BPIFB3: variants seen among roughly 807,000 people sequenced by gnomAD.
BPIFB3 encodes the protein BPI fold containing family B member 3.
In BPIFB3, 49 loss-of-function variants were observed where a neutral mutation model predicts 53.1. The ratio of observed to expected loss-of-function variants is 0.92; its 90% CI spans 0.73 to 1.17. BPIFB3 has a LOEUF of 1.17. Ranked by LOEUF, BPIFB3 falls within the 50% of genes most tolerant of loss-of-function variation. The pLI is 0.00. For missense variants in BPIFB3, 628 were observed against 592.5 expected (o/e 1.06, Z -0.62); for synonymous variants, 271 against 269.6 (o/e 1.01, Z -0.05).
chr20:33,062,869 C>T (rs2146385196), intron 5 of BPIFB3, among the ~76,000 whole-genome samples: 1 of 152,294 alleles, frequency 6.6e-6, no homozygotes, highest in East Asian at 1.9e-4. Flanking sequence ...CTGTGACTTG[C>T]CTGACCCCAG....
At chr20:33,056,582 T>C (rs764467462) in exon 2 of BPIFB3, 42 of 1,613,876 alleles carry the variant, frequency 2.6e-5, no homozygotes, top group Admixed American at 2.5e-4. Flanking sequence ...TTCTGCAGAA[T>C]GTGCTGGGAT....
intron 6 of BPIFB3, among the ~76,000 whole-genome samples, chr20:33,063,901 G>A (rs540908170): frequency 1.3e-5 from 2 of 152,300 alleles, no homozygotes; most frequent in African/African-American, 4.8e-5. Context: ...TCTATGTTGG[G>A]TGCTGCAGAC....
chr20:33,063,486 G>T, intron 5 of BPIFB3, 129 bp from the exon 7 acceptor site: 1 of 961,702 alleles, frequency 1.0e-6, no homozygotes, highest in Non-Finnish European at 1.6e-6. Context: ...TCTTCTGTCT[G>T]TCTCTGCCTT....
intron 8 of BPIFB3, among the ~76,000 whole-genome samples, chr20:33,065,604 AGG>A (rs1980640366): frequency 8.9e-6 from 1 of 111,860 alleles, no homozygotes; most frequent in African/African-American, 3.9e-5. Context: ...GAAGGAAAGA[AGG>A]AAGGAAGGAA....
chr20:33,054,450 C>T (rs1467741240), upstream of BPIFB3, among the ~76,000 whole-genome samples: 1 of 152,120 alleles, frequency 6.6e-6, no homozygotes, highest in East Asian at 1.9e-4. Context: ...TAGTGACAGA[C>T]GGATTTCTTT....
At chr20:33,056,201 C>A (rs1217878377) in intron 1 of BPIFB3, among the ~76,000 whole-genome samples, 1 of 152,188 alleles carries the variant, frequency 6.6e-6, no homozygotes, top group Admixed American at 6.5e-5. Flanking sequence ...CTACTGACCC[C>A]AACCCAATTT....
intron 3 of BPIFB3, 91 bp from the exon 5 acceptor site, chr20:33,059,800 G>A: frequency 6.6e-7 from 1 of 1,513,308 alleles, no homozygotes; most frequent in East Asian, 2.4e-5. Flanking sequence ...AGGGGGCACA[G>A]AGCCTAGGCC....
At chr20:33,061,826 G>C in exon 5 of BPIFB3, 1 of 1,614,148 alleles carries the variant, frequency 6.2e-7, no homozygotes. Context: ...GGTGCTTCCG[G>C]GACTGGTGAG....
At chr20:33,072,065 C>G (rs758799252) in intron 12 of BPIFB3, 39 bp from the exon 14 acceptor site, 34 of 1,610,272 alleles carry the variant, frequency 2.1e-5, no homozygotes, top group Middle Eastern at 1.6e-4. Flanking sequence ...AGCCACACCC[C>G]AGAGCACCAC....
At chr20:33,055,278 GGGA>G, upstream of BPIFB3, 27 of 1,227,384 alleles carry the variant, frequency 2.2e-5, 1 homozygote, top group South Asian at 3.6e-4. Context: ...GCTTACATTT[GGGA>G]GGAGAAGGCT....
At chr20:33,059,201 C>T (rs375347068) in intron 2 of BPIFB3, among the ~76,000 whole-genome samples, 177 bp from the exon 4 acceptor site, 5 of 152,178 alleles carry the variant, frequency 3.3e-5, no homozygotes, top group Non-Finnish European at 5.9e-5. Flanking sequence ...GAACTAGTAT[C>T]GCCCCACTTT....
chr20:33,063,482 G>C (rs1375680362), intron 5 of BPIFB3, 133 bp from the exon 7 acceptor site: 4 of 923,948 alleles, frequency 4.3e-6, no homozygotes, highest in Non-Finnish European at 6.9e-6. Context: ...TGTGTCTTCT[G>C]TCTGTCTCTG....
Position 33,064,532 on chromosome 20 carries a change from T to C in BPIFB3, c.728T>C (p.Ile243Thr), listed in dbSNP as rs752568270. Residue 243 changes from isoleucine (I) to threonine (T), a missense_variant, in exon 7 of 15, where the codon ATA becomes ACA. Transcript: ENST00000375494. Reference sequence around the variant, plus strand: ...TTGCCTCTCATCTCCAACCAGTACATAGAACTGGACATCAACGTGAGTAAC... The same window carrying C: ...TTGCCTCTCATCTCCAACCAGTACACAGAACTGGACATCAACGTGAGTAAC... 6.8e-6 allele frequency: 11 copies of C among 1,613,410 alleles called. No individual in the cohort carries two copies. Among genetic ancestry groups the C allele is most frequent in the Admixed American group, 1.7e-5 (1 of 59,982 alleles).
chr20:33,060,243 A>C (rs918065102), intron 4 of BPIFB3, among the ~76,000 whole-genome samples: 6 of 152,120 alleles, frequency 3.9e-5, no homozygotes, highest in African/African-American at 1.4e-4. Context: ...AGCTTGTGCC[A>C]CCCACTCCTG....
chr20:33,060,632 C>T (rs567681427), intron 4 of BPIFB3, among the ~76,000 whole-genome samples: 30 of 152,196 alleles, frequency 2.0e-4, no homozygotes, highest in African/African-American at 6.5e-4. Flanking sequence ...TGCAGTGGTG[C>T]CATCTCGGCT....
upstream of BPIFB3, among the ~76,000 whole-genome samples, chr20:33,053,914 G>A (rs976409932): frequency 5.3e-5 from 8 of 152,196 alleles, no homozygotes; most frequent in Non-Finnish European, 8.8e-5. Context: ...TGGAGGAACC[G>A]ACAGGAGGCC....
At chr20:33,064,118 T>C (rs1980565234) in intron 6 of BPIFB3, among the ~76,000 whole-genome samples, 1 of 152,122 alleles carries the variant, frequency 6.6e-6, no homozygotes, top group Non-Finnish European at 1.5e-5. Context: ...TGGGAAAATA[T>C]AAAAAGGCAC....
intron 2 of BPIFB3, among the ~76,000 whole-genome samples, chr20:33,059,137 C>G (rs1334532777): frequency 1.3e-5 from 2 of 152,084 alleles, no homozygotes; most frequent in Non-Finnish European, 2.9e-5. Context: ...CACACCGTAC[C>G]AGGTTCTGCA....
intron 9 of BPIFB3, among the ~76,000 whole-genome samples, chr20:33,068,096 C>A (rs1429338348): frequency 6.6e-6 from 1 of 152,200 alleles, no homozygotes; most frequent in Non-Finnish European, 1.5e-5. Flanking sequence ...ACAGGCCCTG[C>A]AATGGAACAA....
Sources: gnomAD v4.1 joint callset for allele counts (sites outside exome capture counted in the v4.1 genomes callset) on GRCh38, gnomAD v4.1.1 for gene constraint, MANE v1.5 for transcripts, NCBI Gene and HGNC (gene_info 2026-07-23, HGNC 2026-07-21) for gene names.